Variants in DNAH5 observed in about 807,000 individuals in gnomAD.
The protein encoded by DNAH5 is axonemal beta dynein heavy chain 5.
A neutral mutation model predicts 518.2 loss-of-function variants in DNAH5; 372 were observed. The observed-to-expected ratio is 0.72, with a 90% CI of 0.66 to 0.78. DNAH5 has a LOEUF of 0.78. DNAH5 is among the 30% of genes least tolerant of loss of function. The pLI is 0.00. For missense variants in DNAH5, 5,523 were observed against 5,687.0 expected (o/e 0.97, Z 0.93); for synonymous variants, 2,039 against 2,025.9 (o/e 1.01, Z -0.17).
intron 19 of DNAH5, among the ~76,000 whole-genome samples, chr5:13,884,372 C>T (rs544514136): frequency 1.3e-5 from 2 of 152,154 alleles, no homozygotes; most frequent in East Asian, 1.9e-4. Flanking sequence ...AAAGATTAAA[C>T]GTACTACCAA....
chr5:13,968,601 T>G (rs1313341583), intron 1 of DNAH5, among the ~76,000 whole-genome samples: 1 of 152,370 alleles, frequency 6.6e-6, no homozygotes, highest in African/African-American at 2.4e-5. Context: ...ATTCTGCTTA[T>G]GTGGTATATC....
chr5:13,777,259 A>G lies in DNAH5; in HGVS notation c.9048T>C (p.Asn3016=), dbSNP rs1580180346. The G allele has an allele frequency of 2.5e-6, 4 of 1,608,130 alleles. No homozygotes were observed. In the East Asian group the frequency reaches 8.9e-5, roughly 36 times the overall value. The stretch of plus-strand genomic sequence containing the variant: ...CCAAAAATGACTCATCTTTAATCTC[A>G]TTGTCTGTGAAAATAAAAGTGATTC... ...GKGITFIFTD[N]EIKDESFLEY... Residue 3016 remains asparagine (N), a synonymous_variant, in exon 54 of 79, where the codon AAT becomes AAC. Transcript: ENST00000265104.
chr5:13,916,219 C>A, intron 9 of DNAH5, 129 bp downstream of exon 9: 1 of 481,536 alleles, frequency 2.1e-6, no homozygotes, highest in South Asian at 2.6e-5. Context: ...CTATTGATAG[C>A]CTAAGCCTTT....
rs532143106 is a variant in DNAH5 at position 13,865,565 on chromosome 5, G to C, written c.4355+103C>G. 124 of 796,948 alleles carry C rather than the reference G, an allele frequency of 1.6e-4. 1 individual carries two copies. The highest frequency in any genetic ancestry group is 1.1e-3 in the South Asian group (83 of 73,698). The allele number at this position is 796,948 out of a possible 1,614,324, so 49.4% of individuals were successfully genotyped here. ...ATGGACAAGAACAATGCAGCAAGATGTGCTTTTGAAATAGCTGGGGTGAAA... is the reference window on the plus strand; with the variant it reads ...ATGGACAAGAACAATGCAGCAAGATCTGCTTTTGAAATAGCTGGGGTGAAA... On this transcript the variant is annotated intron_variant, in intron 27 of 78. Coordinates refer to ENST00000265104, the MANE Select transcript of DNAH5 (RefSeq NM_001369.3).
At chr5:13,974,307 T>C (rs1782085763) in intron 1 of DNAH5, among the ~76,000 whole-genome samples, 1 of 152,080 alleles carries the variant, frequency 6.6e-6, no homozygotes, top group Non-Finnish European at 1.5e-5. Flanking sequence ...GTATTTGTTG[T>C]AGAGATGGGG....
At chr5:13,744,000 G>A (rs919378669) in intron 65 of DNAH5, among the ~76,000 whole-genome samples, 1 of 151,972 alleles carries the variant, frequency 6.6e-6, no homozygotes, top group Non-Finnish European at 1.5e-5. Context: ...CAAAGGAAAG[G>A]AAATCAGTGT....
chr5:13,857,683 G>C lies in DNAH5; in HGVS notation c.4950+1769C>G, dbSNP rs537435707. ...AACAGATATATAGACCAAGGGAACAGAACAGAAGCTTCAGAAATAACACCA... is the reference window on the plus strand; with the variant it reads ...AACAGATATATAGACCAAGGGAACACAACAGAAGCTTCAGAAATAACACCA... On this transcript the variant is annotated intron_variant, in intron 30 of 78. Transcript: ENST00000265104. 5.9e-5 allele frequency among the ~76,000 whole-genome samples: 9 copies of C among 152,238 alleles called. No individual in the cohort carries two copies. The East Asian group carries it at 1.2e-3, about 20-fold the overall frequency.
At chr5:13,844,052 C>T (rs1765627554) in intron 32 of DNAH5, among the ~76,000 whole-genome samples, 2 of 152,136 alleles carry the variant, frequency 1.3e-5, no homozygotes, top group Admixed American at 6.5e-5. Context: ...TTAATTGCTT[C>T]GAATGGAATA....
Position 13,758,483 on chromosome 5 carries a change from A to G in DNAH5, c.10419+363T>C, listed in dbSNP as rs559028509. Among the ~76,000 whole-genome samples the G allele has an allele frequency of 2.3e-3, 350 of 152,300 alleles. 2 individuals are homozygous for G. The highest frequency in any genetic ancestry group is 8.0e-3 in the African/African-American group (333 of 41,570). On this transcript the variant is annotated intron_variant, in intron 61 of 78. Coordinates refer to ENST00000265104, the MANE Select transcript of DNAH5 (RefSeq NM_001369.3). ...GCACTCCAGCCTGGACGACAGAGCAATACTTTGTCTAAATAAATAAATAAA... is the reference window on the plus strand; with the variant it reads ...GCACTCCAGCCTGGACGACAGAGCAGTACTTTGTCTAAATAAATAAATAAA...
At chr5:13,698,782 A>C (rs1374949379) in intron 78 of DNAH5, among the ~76,000 whole-genome samples, 4 of 152,246 alleles carry the variant, frequency 2.6e-5, no homozygotes, top group Non-Finnish European at 4.4e-5. Context: ...TGGAACAAGA[A>C]GGCACAGCCT....
chr5:13,699,091 C>G (rs965238656), intron 78 of DNAH5, among the ~76,000 whole-genome samples: 36 of 152,126 alleles, frequency 2.4e-4, no homozygotes, highest in African/African-American at 8.7e-4. Context: ...GGCAGATGGT[C>G]AGTAAGTAGT....
In DNAH5 at chr5:13,868,981, C is replaced by T. The variant is rs112239924; in HGVS notation, c.3835-989G>A. Among the ~76,000 whole-genome samples, 610 of 152,238 alleles carry T rather than the reference C, an allele frequency of 4.0e-3. 4 individuals carry two copies. Among genetic ancestry groups the T allele is most frequent in the African/African-American group, 0.014 (587 of 41,534 alleles). ...ATGTTTTGATCTTGTCTACTTGATT[C>T]TACTTTTGTTCTTAATTCCTAGGTG... On this transcript the variant is annotated intron_variant, in intron 24 of 78. Coordinates refer to ENST00000265104, the MANE Select transcript of DNAH5 (RefSeq NM_001369.3).
intron 61 of DNAH5, among the ~76,000 whole-genome samples, chr5:13,757,827 C>A (rs1395408923): frequency 6.6e-6 from 1 of 152,144 alleles, no homozygotes; most frequent in Admixed American, 6.6e-5. Context: ...GACATTATAT[C>A]ATACATTCTG....
intron 65 of DNAH5, among the ~76,000 whole-genome samples, chr5:13,744,190 A>G (rs1749014445): frequency 6.6e-6 from 1 of 152,066 alleles, no homozygotes; most frequent in African/African-American, 2.4e-5. Flanking sequence ...AGCACCATGG[A>G]TGGAACTGGA....
chr5:14,008,307 GAA>G (rs1208418871), intron 1 of DNAH5, among the ~76,000 whole-genome samples: 16 of 151,514 alleles, frequency 1.1e-4, no homozygotes, highest in South Asian at 4.2e-4. Flanking sequence ...AGAGAGGGAA[GAA>G]GACAGGAATG....
At chr5:13,914,216 T>C (rs927802319) in intron 10 of DNAH5, among the ~76,000 whole-genome samples, 1 of 152,096 alleles carries the variant, frequency 6.6e-6, no homozygotes, top group African/African-American at 2.4e-5. Context: ...GTTTTGGTAA[T>C]AGCATCCTTC....
intron 65 of DNAH5, among the ~76,000 whole-genome samples, chr5:13,745,797 GT>G (rs773439791): frequency 1.1e-4 from 16 of 152,028 alleles, no homozygotes; most frequent in South Asian, 1.0e-3. Context: ...CCCTTCCTGT[GT>G]GTAATCTTCC....
intron 54 of DNAH5, 98 bp from the exon 55 acceptor site, chr5:13,776,804 T>G: frequency 7.4e-7 from 1 of 1,357,638 alleles, no homozygotes; most frequent in Admixed American, 1.8e-5. Flanking sequence ...TCCATTTGTG[T>G]TCTTGAACTC....
chr5:13,876,852 A>C, intron 21 of DNAH5, 35 bp from the exon 22 acceptor site: 1 of 1,603,202 alleles, frequency 6.2e-7, no homozygotes, highest in Non-Finnish European at 8.5e-7. Flanking sequence ...ACTTTACACT[A>C]CTCACACAAG....
Sources: allele counts gnomAD v4.1 joint callset (sites outside exome capture counted in the v4.1 genomes callset), GRCh38; gene constraint gnomAD v4.1.1; transcripts MANE v1.5; gene names NCBI Gene and HGNC (gene_info 2026-07-23, HGNC 2026-07-21).